GFPT1: variants seen among roughly 807,000 people sequenced by gnomAD.
GFPT1 encodes the protein glutamine--fructose-6-phosphate aminotransferase [isomerizing] 1.
GFPT1 carries 40 observed loss-of-function variants against 92.0 expected under a neutral mutation model. The ratio of observed to expected loss-of-function variants is 0.43; its 90% CI spans 0.34 to 0.57. The LOEUF is 0.57. GFPT1 is among the 20% of genes least tolerant of loss of function. The probability of loss-of-function intolerance (pLI) is 0.02; values close to 1 mark genes in which losing one functional copy is unlikely to be tolerated. For synonymous variants in GFPT1, 269 were observed against 280.6 expected (o/e 0.96, Z 0.41); for missense variants, 448 against 869.1 (o/e 0.52, Z 6.09).
At chr2:69,366,425 G>A (rs1671613071) in intron 3 of GFPT1, among the ~76,000 whole-genome samples, 1 of 152,098 alleles carries the variant, frequency 6.6e-6, no homozygotes, top group Non-Finnish European at 1.5e-5. Flanking sequence ...TGAATCTTAA[G>A]TCTAGATTAA....
chr2:69,343,191 T>C (rs1280527672), intron 12 of GFPT1, among the ~76,000 whole-genome samples: 1 of 152,216 alleles, frequency 6.6e-6, no homozygotes, highest in Non-Finnish European at 1.5e-5. Context: ...GTTTTCTATC[T>C]GTGAGAAATT....
intron 15 of GFPT1, among the ~76,000 whole-genome samples, chr2:69,330,840 C>T (rs1381204357): frequency 2.0e-5 from 3 of 152,062 alleles, no homozygotes; most frequent in Non-Finnish European, 4.4e-5. Context: ...ACATTATAAC[C>T]TTGAGCAGTT....
chr2:69,350,177 T>A lies in GFPT1; in HGVS notation c.746A>T (p.Asp249Val). 2.5e-6 allele frequency: 4 copies of A among 1,610,330 alleles called. No homozygotes were observed. Among genetic ancestry groups the A allele is most frequent in the Non-Finnish European group, 3.4e-6 (4 of 1,176,574 alleles). The change falls in exon 10 of 20, where the codon GAC becomes GTC. Residue 249 changes from aspartate to valine, a missense_variant. By Grantham distance (152) the Asp-to-Val change is radical. Coordinates refer to ENST00000357308, the MANE Select transcript of GFPT1 (RefSeq NM_001244710.2). ...AGAGAGATTGCAGCTTCCTTTCTTG[T>A]CTTTGCCTAAAGCATATAGTTAACA... ...RWGSQGERGK[D>V]KKGSCNLSRV... is the part of the protein sequence containing the mutation.
At chr2:69,346,384 G>A (rs527650812) in intron 11 of GFPT1, among the ~76,000 whole-genome samples, 9 of 152,044 alleles carry the variant, frequency 5.9e-5, no homozygotes, top group South Asian at 4.1e-4. Flanking sequence ...GACTACAGGC[G>A]TGTGCTACCA....
chr2:69,385,100 T>C (rs1464999062), intron 1 of GFPT1, among the ~76,000 whole-genome samples: 1 of 152,220 alleles, frequency 6.6e-6, no homozygotes, highest in East Asian at 1.9e-4. Context: ...AATACCTGTT[T>C]CCTCAGCCGT....
intron 19 of GFPT1, 57 bp from the exon 20 acceptor site, chr2:69,326,290 G>A (rs1195114159): frequency 8.7e-7 from 1 of 1,151,968 alleles, no homozygotes; most frequent in Admixed American, 1.8e-5. Context: ...ACTGGGGAAG[G>A]GGGTGGTTAC....
chr2:69,364,114 C>CAAA (rs10715095), intron 3 of GFPT1, among the ~76,000 whole-genome samples: 1 of 99,100 alleles, frequency 1.0e-5, no homozygotes, highest in East Asian at 2.9e-4. Flanking sequence ...GACTCCATCT[C>CAAA]AAAAAAAAAA....
intron 18 of GFPT1, 88 bp downstream of exon 18, chr2:69,328,183 G>A (rs931859343): frequency 4.6e-5 from 44 of 966,360 alleles, no homozygotes; most frequent in South Asian, 1.4e-4. Flanking sequence ...GAGTTAACAC[G>A]TGTAAACATG....
intron 13 of GFPT1, 137 bp downstream of exon 13, chr2:69,342,015 C>G: frequency 1.7e-6 from 1 of 598,180 alleles, no homozygotes; most frequent in Non-Finnish European, 2.9e-6. Flanking sequence ...TCTCCCCTTA[C>G]CTTCTTTTTT....
rs1264533043 is a variant in GFPT1 at position 69,324,338 on chromosome 2, C to T, written c.*1851G>A. On this transcript the variant is annotated 3_prime_UTR_variant, in exon 20 of 20. Coordinates refer to ENST00000357308, the MANE Select transcript of GFPT1 (RefSeq NM_001244710.2). ...ATCATACTTTAAACTATAAGAAATG[C>T]TACAAACCCACACAAATTGTGTTTG... 2.6e-5 allele frequency: 4 copies of T among 152,048 alleles called. No individual in the cohort carries two copies. Among genetic ancestry groups the T allele is most frequent in the South Asian group, 2.1e-4 (1 of 4,822 alleles). 9.4% of individuals were successfully genotyped at this position (152,048 alleles called of 1,614,324 possible).
chr2:69,384,269 T>C (rs1273326055), intron 1 of GFPT1, among the ~76,000 whole-genome samples: 1 of 152,194 alleles, frequency 6.6e-6, no homozygotes, highest in Non-Finnish European at 1.5e-5. Context: ...GACCAGAGGA[T>C]CTTTTTTCCT....
intron 1 of GFPT1, among the ~76,000 whole-genome samples, chr2:69,376,243 G>A (rs1305907615): frequency 6.6e-6 from 1 of 152,234 alleles, no homozygotes; most frequent in African/African-American, 2.4e-5. Context: ...AGGTGCAGTG[G>A]CTCACGCCTG....
At chr2:69,353,625 T>C (rs1671264128) in intron 9 of GFPT1, among the ~76,000 whole-genome samples, 1 of 151,464 alleles carries the variant, frequency 6.6e-6, no homozygotes, top group Non-Finnish European at 1.5e-5. Flanking sequence ...GCCCAAGAGT[T>C]CGAAATTGCA....
In GFPT1 at chr2:69,326,040, T is replaced by A; in HGVS notation, c.*149A>T. The A allele has an allele frequency of 3.3e-6, 2 of 604,184 alleles. No individual in the cohort carries two copies. The highest frequency in any genetic ancestry group is 5.9e-6 in the Non-Finnish European group (2 of 341,296). 37.4% of individuals were successfully genotyped at this position (604,184 alleles called of 1,614,324 possible). On this transcript the variant is annotated 3_prime_UTR_variant, in exon 20 of 20. Coordinates refer to ENST00000357308, the MANE Select transcript of GFPT1 (RefSeq NM_001244710.2). ...AAGAGGTAACTTCACAAAAATCACA[T>A]ATTGAGTGGAATAATTATAACTGAT...
intron 11 of GFPT1, among the ~76,000 whole-genome samples, chr2:69,347,459 G>A (rs921133580): frequency 2.1e-4 from 32 of 149,492 alleles, no homozygotes; most frequent in Non-Finnish European, 4.1e-4. Context: ...GACTAAGTGT[G>A]TCAGACACTG....
In GFPT1 at chr2:69,328,175, G is replaced by A. The variant is rs566308865; in HGVS notation, c.1893+96C>T. On this transcript the variant is annotated intron_variant, in intron 18 of 19. Transcript: ENST00000357308. ...AAAGGCTGTATTCCAAAGTAAATGAGTTAACACGTGTAAACATGTTTTGTA... is the reference window on the plus strand; with the variant it reads ...AAAGGCTGTATTCCAAAGTAAATGAATTAACACGTGTAAACATGTTTTGTA... 52 of 895,260 alleles carry A rather than the reference G, an allele frequency of 5.8e-5. 1 individual carries two copies. The East Asian group carries it at 1.3e-3, about 22-fold the overall frequency. 55.5% of individuals were successfully genotyped at this position (895,260 alleles called of 1,614,324 possible).
intron 1 of GFPT1, among the ~76,000 whole-genome samples, chr2:69,385,281 A>G (rs1672104907): frequency 1.3e-5 from 2 of 152,114 alleles, no homozygotes; most frequent in African/African-American, 4.8e-5. Flanking sequence ...GCTGGATTAC[A>G]ATGGCGCGAT....
At chr2:69,330,702 TA>T (rs1558729824) in intron 15 of GFPT1, among the ~76,000 whole-genome samples, 1 of 152,164 alleles carries the variant, frequency 6.6e-6, no homozygotes, top group Non-Finnish European at 1.5e-5. Flanking sequence ...AATATTGCCT[TA>T]AAGTTTTTAC....
chr2:69,372,955 C>G (rs1339670005), intron 2 of GFPT1, among the ~76,000 whole-genome samples: 1 of 152,190 alleles, frequency 6.6e-6, no homozygotes, highest in South Asian at 2.1e-4. Context: ...ACAAACTGTG[C>G]AAACAAAGTG....
Sources: gnomAD v4.1 joint callset for allele counts (sites outside exome capture counted in the v4.1 genomes callset) on GRCh38, gnomAD v4.1.1 for gene constraint, MANE v1.5 for transcripts, NCBI Gene and HGNC (gene_info 2026-07-23, HGNC 2026-07-21) for gene names.